Variants in CNTNAP2 observed in about 807,000 individuals in gnomAD.
CNTNAP2 encodes the protein contactin associated protein 2.
Under a neutral mutation model 155.2 loss-of-function variants are expected in CNTNAP2, and 98 were observed. The observed-to-expected ratio is 0.63, with a 90% confidence interval of 0.54 to 0.75. The LOEUF is 0.75. Ranked by LOEUF, CNTNAP2 falls within the 30% of genes least tolerant of loss-of-function variation. The probability of loss-of-function intolerance (pLI) is 0.00; values close to 1 mark genes in which losing one functional copy is unlikely to be tolerated. For missense variants in CNTNAP2, 1,727 were observed against 1,688.1 expected, an observed-to-expected ratio of 1.02 and a Z score of -0.40; for synonymous variants, 651 against 631.2, an observed-to-expected ratio of 1.03 and a Z score of -0.47.
intron 13 of CNTNAP2, among the ~76,000 whole-genome samples, chr7:147,685,404 T>C (rs561160933): frequency 1.9e-3 from 285 of 152,142 alleles, no homozygotes; most frequent in African/African-American, 6.4e-3. Context: ...CTCTTGGAAA[T>C]ATAACTCAGA....
intron 11 of CNTNAP2, among the ~76,000 whole-genome samples, chr7:147,523,989 G>A (rs754532423): frequency 1.3e-4 from 20 of 152,122 alleles, no homozygotes; most frequent in Non-Finnish European, 2.5e-4. Context: ...AACATTTTAT[G>A]AGTCCGTTGA....
intron 1 of CNTNAP2, among the ~76,000 whole-genome samples, chr7:146,376,377 A>G (rs1795304184): frequency 6.6e-6 from 1 of 152,062 alleles, no homozygotes; most frequent in Non-Finnish European, 1.5e-5. Flanking sequence ...CTAAATAATC[A>G]TTCTCTTCAG....
chr7:146,319,645 G>A (rs898620547), intron 1 of CNTNAP2, among the ~76,000 whole-genome samples: 1 of 152,232 alleles, frequency 6.6e-6, no homozygotes. Flanking sequence ...TATTTAAGAT[G>A]TGATCGGCTT....
intron 11 of CNTNAP2, among the ~76,000 whole-genome samples, chr7:147,532,353 T>C (rs1011336056): frequency 7.9e-5 from 12 of 152,218 alleles, no homozygotes; most frequent in Non-Finnish European, 1.6e-4. Flanking sequence ...CCTTTGATCC[T>C]GTTCCCAATA....
At chr7:146,597,145 A>T (rs1039028162) in intron 1 of CNTNAP2, among the ~76,000 whole-genome samples, 3 of 152,102 alleles carry the variant, frequency 2.0e-5, no homozygotes, top group African/African-American at 7.2e-5. Flanking sequence ...ATAGAACTTC[A>T]TAGGAGGCAT....
At chr7:148,068,562 T>C (rs1803314333) in intron 15 of CNTNAP2, among the ~76,000 whole-genome samples, 1 of 152,230 alleles carries the variant, frequency 6.6e-6, no homozygotes, top group Non-Finnish European at 1.5e-5. Context: ...TCCTATATTA[T>C]GCTTAAGCTT....
intron 3 of CNTNAP2, among the ~76,000 whole-genome samples, chr7:146,903,230 T>C (rs888183875): frequency 6.6e-6 from 1 of 152,104 alleles, no homozygotes; most frequent in Non-Finnish European, 1.5e-5. Flanking sequence ...TTGGATAAAA[T>C]CCTGTTTTGT....
At chr7:148,404,600 C>T (rs1419047024) in intron 22 of CNTNAP2, among the ~76,000 whole-genome samples, 2 of 152,198 alleles carry the variant, frequency 1.3e-5, no homozygotes, top group African/African-American at 2.4e-5. Flanking sequence ...CCCACAGCAG[C>T]ATCTAGGGGT....
At chr7:148,186,657 A>C (rs774213095) in intron 18 of CNTNAP2, among the ~76,000 whole-genome samples, 74 of 152,126 alleles carry the variant, frequency 4.9e-4, no homozygotes, top group Non-Finnish European at 1.8e-4. Context: ...CTGGGTTCAA[A>C]TTCCTGTGCC....
intron 12 of CNTNAP2, among the ~76,000 whole-genome samples, chr7:147,566,101 T>C (rs1584818252): frequency 7.3e-6 from 1 of 137,656 alleles, no homozygotes. Context: ...GGCAACATGG[T>C]GAGACCCTAT....
chr7:146,458,509 T>C (rs1480491562), intron 1 of CNTNAP2, among the ~76,000 whole-genome samples: 2 of 152,200 alleles, frequency 1.3e-5, no homozygotes, highest in African/African-American at 2.4e-5. Flanking sequence ...GCTACAACAT[T>C]AGACAGTAGG....
Position 148,097,340 on chromosome 7 carries a change from T to TAAAAAAAAAAA in CNTNAP2, c.2384-20766_2384-20756dup, listed in dbSNP as rs754030091. On this transcript the variant is annotated intron_variant, in intron 15 of 23. Transcript: ENST00000361727. ...GTTTAAATTCAGCTCGTGTCATTTGTAAAAAAAAAAAAAAAAAAAAAACCA... is the reference window on the plus strand; with the variant it reads ...GTTTAAATTCAGCTCGTGTCATTTGTAAAAAAAAAAAAAAAAAAAAAAAAAAAAAAAAACCA... 1.3e-3 allele frequency among the ~76,000 whole-genome samples: 105 copies of TAAAAAAAAAAA among 78,464 alleles called. 2 individuals are homozygous for TAAAAAAAAAAA. Among genetic ancestry groups the TAAAAAAAAAAA allele is most frequent in the African/African-American group, 4.8e-3 (101 of 20,938 alleles). 51.5% of individuals were successfully genotyped at this position (78,464 alleles called of 152,430 possible).
chr7:147,591,929 T>C (rs1800741742), intron 12 of CNTNAP2, among the ~76,000 whole-genome samples: 1 of 152,220 alleles, frequency 6.6e-6, no homozygotes, highest in South Asian at 2.1e-4. Context: ...TCCAGTCTTT[T>C]TAAGTGACAG....
intron 8 of CNTNAP2, among the ~76,000 whole-genome samples, chr7:147,140,260 T>C (rs1801565523): frequency 6.6e-6 from 1 of 151,992 alleles, no homozygotes; most frequent in Non-Finnish European, 1.5e-5. Context: ...TGAGTGTCTT[T>C]CCGAGATTGA....
intron 8 of CNTNAP2, among the ~76,000 whole-genome samples, chr7:147,166,010 C>T (rs1399085204): frequency 2.0e-5 from 3 of 152,136 alleles, no homozygotes; most frequent in African/African-American, 7.2e-5. Context: ...ACCCTTTGAT[C>T]CAGCAGTCCT....
At chr7:147,355,227 A>C (rs541552812) in intron 9 of CNTNAP2, among the ~76,000 whole-genome samples, 1 of 152,180 alleles carries the variant, frequency 6.6e-6, no homozygotes, top group East Asian at 1.9e-4. Flanking sequence ...GAAATAAATA[A>C]GTTATTTGAA....
chr7:147,035,205 C>G (rs1426457885), intron 3 of CNTNAP2, among the ~76,000 whole-genome samples: 1 of 152,140 alleles, frequency 6.6e-6, no homozygotes, highest in Non-Finnish European at 1.5e-5. Context: ...TGAGCTGAGT[C>G]CTACAAGATG....
chr7:147,481,564 T>A (rs937623399), intron 10 of CNTNAP2, among the ~76,000 whole-genome samples: 1 of 152,260 alleles, frequency 6.6e-6, no homozygotes, highest in Non-Finnish European at 1.5e-5. Context: ...TTCCAAAATA[T>A]AGCTTTCATT....
At chr7:146,169,204 C>T (rs1701218004) in intron 1 of CNTNAP2, among the ~76,000 whole-genome samples, 1 of 152,190 alleles carries the variant, frequency 6.6e-6, no homozygotes, top group Non-Finnish European at 1.5e-5. Context: ...AGAATTCTAA[C>T]TTACCCAATT....
Sources: gnomAD v4.1 joint callset for allele counts (sites outside exome capture counted in the v4.1 genomes callset) on GRCh38, gnomAD v4.1.1 for gene constraint, MANE v1.5 for transcripts, NCBI Gene and HGNC (gene_info 2026-07-23, HGNC 2026-07-21) for gene names.